RGS6: variants seen among roughly 807,000 people sequenced by gnomAD.
RGS6 encodes regulator of G-protein signaling 6.
In RGS6, 30 loss-of-function variants were observed where a neutral mutation model predicts 78.5. That is an observed-to-expected ratio of 0.38 (90% CI 0.29 to 0.52). The LOEUF (loss-of-function observed/expected upper bound fraction) is 0.52, where lower values mean the gene tolerates loss of function less well. Ranked by LOEUF, RGS6 falls within the 20% of genes least tolerant of loss-of-function variation. The pLI, the probability that RGS6 is intolerant of heterozygous loss-of-function variation, is 0.85. For synonymous variants in RGS6, 206 were observed against 206.0 expected, an observed-to-expected ratio of 1.00 and a Z score of 0.00; for missense variants, 495 against 609.7, an observed-to-expected ratio of 0.81 and a Z score of 1.98.
chr14:72,224,632 C>T (rs907608426), intron 2 of RGS6, among the ~76,000 whole-genome samples: 9 of 151,990 alleles, frequency 5.9e-5, no homozygotes, highest in Admixed American at 5.9e-4. Flanking sequence ...AAGTTGTGCA[C>T]CAATAACTCA....
At chr14:72,409,473 G>A (rs1232151652) in intron 3 of RGS6, among the ~76,000 whole-genome samples, 1 of 151,136 alleles carries the variant, frequency 6.6e-6, no homozygotes, top group Non-Finnish European at 1.5e-5. Context: ...TAAAGTGCTG[G>A]GAATGCTTCG....
intron 2 of RGS6, among the ~76,000 whole-genome samples, chr14:72,042,837 T>C (rs565540480): frequency 2.3e-4 from 35 of 152,344 alleles, no homozygotes; most frequent in African/African-American, 7.9e-4. Flanking sequence ...TATCCTGTTT[T>C]CTTCAAGTAG....
At chr14:72,340,447 G>A (rs1403371813) in intron 2 of RGS6, among the ~76,000 whole-genome samples, 6 of 152,164 alleles carry the variant, frequency 3.9e-5, no homozygotes, top group African/African-American at 1.4e-4. Flanking sequence ...AGGTGCTCAG[G>A]AGGGGCAGCA....
At chr14:72,110,160 CA>C (rs2095722134) in intron 2 of RGS6, among the ~76,000 whole-genome samples, 1 of 152,176 alleles carries the variant, frequency 6.6e-6, no homozygotes, top group Non-Finnish European at 1.5e-5. Flanking sequence ...TGCTGTATTC[CA>C]GACATCATTG....
chr14:72,159,762 C>T (rs1314238852), intron 2 of RGS6, among the ~76,000 whole-genome samples: 2 of 152,082 alleles, frequency 1.3e-5, no homozygotes, highest in South Asian at 2.1e-4. Context: ...TCTCCCTATT[C>T]TCCAGAGTGG....
At chr14:72,083,535 G>T (rs1274519633) in intron 2 of RGS6, among the ~76,000 whole-genome samples, 5 of 152,160 alleles carry the variant, frequency 3.3e-5, no homozygotes, top group Non-Finnish European at 7.4e-5. Context: ...GCTAAGGAGG[G>T]GCTATGTGGA....
At chr14:72,362,010 C>A (rs760068408) in intron 3 of RGS6, among the ~76,000 whole-genome samples, 1 of 152,150 alleles carries the variant, frequency 6.6e-6, no homozygotes, top group Non-Finnish European at 1.5e-5. Context: ...GGAATATTAA[C>A]TGATTTTATT....
At chr14:71,906,299 TGGGCAGG>T in the RGS6 span, among the ~76,000 whole-genome samples, 1 of 152,168 alleles carries the variant, frequency 6.6e-6, no homozygotes, top group Non-Finnish European at 1.5e-5. Flanking sequence ...CTAGAAAAGG[TGGGCAGG>T]GTGCTGTCTG....
chr14:71,977,761 C>A (rs1300609303), intron 2 of RGS6, among the ~76,000 whole-genome samples: 1 of 151,734 alleles, frequency 6.6e-6, no homozygotes, highest in Non-Finnish European at 1.5e-5. Context: ...TTTTTGGTTC[C>A]ATATGAACTT....
intron 3 of RGS6, among the ~76,000 whole-genome samples, chr14:72,379,915 A>G (rs2085634763): frequency 6.6e-6 from 1 of 152,088 alleles, no homozygotes; most frequent in African/African-American, 2.4e-5. Flanking sequence ...AGACTTCAAA[A>G]TATACTACAA....
intron 2 of RGS6, 152 bp from the exon 3 acceptor site, chr14:72,351,943 A>G: frequency 1.7e-6 from 1 of 605,262 alleles, no homozygotes; most frequent in Non-Finnish European, 3.0e-6. Flanking sequence ...GATAGCAGAT[A>G]CTGATGCTGT....
chr14:72,226,945 C>A (rs549314966), intron 2 of RGS6, among the ~76,000 whole-genome samples: 1 of 152,154 alleles, frequency 6.6e-6, no homozygotes, highest in Admixed American at 6.5e-5. Flanking sequence ...CCTTGACCTC[C>A]CAAAGTGGAG....
At chr14:72,179,059 A>T (rs765867293) in intron 2 of RGS6, among the ~76,000 whole-genome samples, 3 of 152,244 alleles carry the variant, frequency 2.0e-5, no homozygotes, top group Admixed American at 1.3e-4. Flanking sequence ...AAAAATAACC[A>T]GAAAATCATG....
At chr14:72,451,579 C>T (rs1445772361) in intron 3 of RGS6, among the ~76,000 whole-genome samples, 1 of 151,912 alleles carries the variant, frequency 6.6e-6, no homozygotes, top group Non-Finnish European at 1.5e-5. Context: ...TTAATGATGA[C>T]AGTAATTAAC....
At chr14:72,123,122 A>C (rs768115235) in intron 2 of RGS6, among the ~76,000 whole-genome samples, 1 of 152,104 alleles carries the variant, frequency 6.6e-6, no homozygotes, top group African/African-American at 2.4e-5. Flanking sequence ...ATGCACCACC[A>C]CACCTGGCTA....
At chr14:72,569,725 A>G (rs2097718163), downstream of RGS6, among the ~76,000 whole-genome samples, 1 of 152,122 alleles carries the variant, frequency 6.6e-6, no homozygotes, top group Admixed American at 6.5e-5. Context: ...GGAACGAATG[A>G]ACAAGGAGTT....
chr14:72,568,047 TG>T (rs1432646308), downstream of RGS6, among the ~76,000 whole-genome samples: 1 of 152,150 alleles, frequency 6.6e-6, no homozygotes, highest in Non-Finnish European at 1.5e-5. Flanking sequence ...TGTAGCCACG[TG>T]AGCTCCATCT....
chr14:72,245,667 C>A (rs1361458818), intron 2 of RGS6, among the ~76,000 whole-genome samples: 2 of 152,208 alleles, frequency 1.3e-5, no homozygotes, highest in East Asian at 3.9e-4. Context: ...TCATTATGGA[C>A]ATGTTACATT....
chr14:71,872,299 C>T, the RGS6 span, among the ~76,000 whole-genome samples: 7 of 151,930 alleles, frequency 4.6e-5, no homozygotes, highest in African/African-American at 1.7e-4. Context: ...ACACTCCTAC[C>T]CTCTTGCCTA....
Sources: gnomAD v4.1 joint callset for allele counts (sites outside exome capture counted in the v4.1 genomes callset) on GRCh38, gnomAD v4.1.1 for gene constraint, MANE v1.5 for transcripts, NCBI Gene and HGNC (gene_info 2026-07-23, HGNC 2026-07-21) for gene names.